CLEC16A: variants seen among roughly 807,000 people sequenced by gnomAD.
The protein encoded by CLEC16A is protein CLEC16A.
Under a neutral mutation model 109.5 loss-of-function variants are expected in CLEC16A, and 51 were observed. The observed-to-expected ratio is 0.47, with a 90% CI of 0.37 to 0.59. The LOEUF (loss-of-function observed/expected upper bound fraction) is 0.59, where lower values mean the gene tolerates loss of function less well. CLEC16A is among the 20% of genes least tolerant of loss of function. The probability of loss-of-function intolerance (pLI) is 0.00; values close to 1 mark genes in which losing one functional copy is unlikely to be tolerated. For synonymous variants in CLEC16A, 673 were observed against 564.2 expected (o/e 1.19, Z -2.73); for missense variants, 1,339 against 1,394.0 (o/e 0.96, Z 0.63).
chr16:10,961,968 C>CTTTTTTTTTTT lies in CLEC16A; in HGVS notation c.210-483_210-473dup, dbSNP rs5815604. Reference sequence around the variant, plus strand: ...TTGGGAACTTTTTTTTCTTTTTTTTCTTTTTTTTTTTTTTGGCTCTGTCAC... The same window carrying CTTTTTTTTTTT: ...TTGGGAACTTTTTTTTCTTTTTTTTCTTTTTTTTTTTTTTTTTTTTTTTTTGGCTCTGTCAC... On this transcript the variant is annotated intron_variant, in intron 2 of 23. Transcript: ENST00000409790. The surrounding 1 kb of genome is among the most constrained non-coding windows in gnomAD (Gnocchi z 4.3). 4.4e-5 allele frequency among the ~76,000 whole-genome samples: 6 copies of CTTTTTTTTTTT among 135,344 alleles called. No homozygotes were observed. The highest frequency in any genetic ancestry group is 6.3e-5 in the Non-Finnish European group (4 of 63,806). The allele number at this position is 135,344 out of a possible 152,430, so 88.8% of individuals were successfully genotyped here.
At chr16:10,946,765 G>A (rs2145596934) in intron 1 of CLEC16A, among the ~76,000 whole-genome samples, 1 of 152,318 alleles carries the variant, frequency 6.6e-6, no homozygotes, top group Admixed American at 6.5e-5. Context: ...CTGCCTGTGT[G>A]TTAATTCCCT....
chr16:11,154,316 C>T (rs957391731), intron 22 of CLEC16A, among the ~76,000 whole-genome samples: 1 of 152,188 alleles, frequency 6.6e-6, no homozygotes, highest in Non-Finnish European at 1.5e-5. Flanking sequence ...TCAAGCTCAT[C>T]CATTCAACTC....
chr16:10,944,838 A>G (rs1248427423), intron 1 of CLEC16A, 41 bp downstream of exon 1: 1 of 1,523,962 alleles, frequency 6.6e-7, no homozygotes, highest in African/African-American at 1.4e-5. Flanking sequence ...GGGGCTGGAC[A>G]GGGGGACGGG....
intron 9 of CLEC16A, among the ~76,000 whole-genome samples, chr16:10,982,135 A>G (rs2043356818): frequency 6.6e-6 from 1 of 152,230 alleles, no homozygotes; most frequent in East Asian, 1.9e-4. Flanking sequence ...ATTTTAAAAC[A>G]AAATAGCAGG....
chr16:11,090,022 T>G (rs943343939), intron 19 of CLEC16A, among the ~76,000 whole-genome samples: 8 of 152,208 alleles, frequency 5.3e-5, no homozygotes, highest in Non-Finnish European at 8.8e-5. Context: ...AATATCTGTT[T>G]AGACATTCCT....
At chr16:11,007,868 CGCT>C (rs1472455726) in intron 11 of CLEC16A, among the ~76,000 whole-genome samples, 1 of 151,992 alleles carries the variant, frequency 6.6e-6, no homozygotes, top group East Asian at 1.9e-4. Flanking sequence ...CAGGCCCAGG[CGCT>C]GCAGTAGAGA....
intron 11 of CLEC16A, among the ~76,000 whole-genome samples, chr16:11,007,579 G>GA (rs2045104971): frequency 6.6e-6 from 1 of 152,220 alleles, no homozygotes; most frequent in South Asian, 2.1e-4. Context: ...TCATAAGTGA[G>GA]AACATCAACA....
At chr16:11,144,963 G>C (rs984068878) in intron 22 of CLEC16A, among the ~76,000 whole-genome samples, 2 of 152,174 alleles carry the variant, frequency 1.3e-5, no homozygotes, top group African/African-American at 4.8e-5. Flanking sequence ...TTTTGTACCA[G>C]ACCTAGAGCA....
At position 11,003,081 on chromosome 16, in the gene CLEC16A, C is replaced by G; in HGVS notation, c.1079C>G (p.Pro360Arg). Residue 360 changes from proline to arginine, a missense_variant, in exon 11 of 24, where the codon CCC becomes CGC. Physicochemically the swap from Pro to Arg is moderately radical, Grantham distance 103. Around this residue, in one of 3 missense-constraint regions of CLEC16A, gnomAD observed 1,061 missense variants for 1,006.8 expected, o/e 1.05. Transcript: ENST00000409790. ...TTCGTTGGACTTTCCTAGGCCAAGC[C>G]CAGCATTCGGTGCTTCATTAAACCC... is the stretch of plus-strand genomic sequence containing the variant. ...EQDIQRSSAK[P>R]SIRCFIKPTE... 1 of 1,610,462 alleles carries G rather than the reference C, an allele frequency of 6.2e-7. No individual in the cohort carries two copies. The highest frequency in any genetic ancestry group is 8.5e-7 in the Non-Finnish European group (1 of 1,178,880).
At position 11,007,484 on chromosome 16, in the gene CLEC16A, A is replaced by G. The variant is rs185487459; in HGVS notation, c.1303+4179A>G. Reference sequence around the variant, plus strand: ...CTGAATCCCAGCTCTGCCCCTGAACAGCTGTGTGGCTCTGGGCAAGTAATT... The same window carrying G: ...CTGAATCCCAGCTCTGCCCCTGAACGGCTGTGTGGCTCTGGGCAAGTAATT... On this transcript the variant is annotated intron_variant, in intron 11 of 23. Coordinates refer to ENST00000409790, the MANE Select transcript of CLEC16A (RefSeq NM_015226.3). Among the ~76,000 whole-genome samples the G allele has an allele frequency of 3.8e-3, 575 of 152,310 alleles. 2 individuals carry two copies. Among genetic ancestry groups the G allele is most frequent in the Non-Finnish European group, 6.1e-3 (413 of 68,028 alleles).
intron 22 of CLEC16A, chr16:11,126,438 T>A: frequency 7.4e-7 from 1 of 1,353,546 alleles, no homozygotes; most frequent in Non-Finnish European, 9.7e-7. Context: ...TGGAAACATT[T>A]AAATGATTAG....
At chr16:11,145,501 C>T (rs1597555071) in intron 22 of CLEC16A, among the ~76,000 whole-genome samples, 1 of 152,272 alleles carries the variant, frequency 6.6e-6, no homozygotes. Context: ...CTCACCACCA[C>T]ACCTGTCTCC....
intron 1 of CLEC16A, among the ~76,000 whole-genome samples, chr16:10,947,667 G>T (rs1259582196): frequency 3.9e-5 from 6 of 152,116 alleles, no homozygotes; most frequent in Non-Finnish European, 7.4e-5. Flanking sequence ...GTCCTGGTTT[G>T]CCTGGGCTGA....
At position 11,175,407 on chromosome 16, in the gene CLEC16A, C is replaced by G. The variant is rs183102835; in HGVS notation, c.2807-2928C>G. Among the ~76,000 whole-genome samples, 5 of 152,348 alleles carry G rather than the reference C, an allele frequency of 3.3e-5. No individual in the cohort carries two copies. In the East Asian group the frequency reaches 9.6e-4, roughly 29 times the overall value. On this transcript the variant is annotated intron_variant, in intron 23 of 23. Coordinates refer to ENST00000409790, the MANE Select transcript of CLEC16A (RefSeq NM_015226.3). Reference sequence around the variant, plus strand: ...CCTCATTTCCTGAGCCTGGCCTCAACTTGTGGCCCTAGAGTTCAAAAACAC... The same window carrying G: ...CCTCATTTCCTGAGCCTGGCCTCAAGTTGTGGCCCTAGAGTTCAAAAACAC...
chr16:11,143,075 G>A (rs2053911017), intron 22 of CLEC16A, among the ~76,000 whole-genome samples: 1 of 152,206 alleles, frequency 6.6e-6, no homozygotes, highest in Non-Finnish European at 1.5e-5. Context: ...GCCTCCCAAA[G>A]TGCAGGGATT....
chr16:10,971,079 T>A (rs2042764622), intron 4 of CLEC16A, 46 bp from the exon 5 acceptor site: 1 of 1,270,122 alleles, frequency 7.9e-7, no homozygotes, highest in Non-Finnish European at 1.1e-6. Flanking sequence ...GGGCCAGGCC[T>A]GGCTTATGGG....
chr16:10,993,360 T>C (rs1022563897), intron 10 of CLEC16A, among the ~76,000 whole-genome samples: 4 of 152,086 alleles, frequency 2.6e-5, no homozygotes, highest in South Asian at 2.1e-4. Flanking sequence ...GCCTGGGCAA[T>C]AGAGTGAGAC....
chr16:11,064,621 C>A (rs1352424106), intron 19 of CLEC16A, among the ~76,000 whole-genome samples: 1 of 151,894 alleles, frequency 6.6e-6, no homozygotes, highest in African/African-American at 2.4e-5. Context: ...TACTAAAATC[C>A]AAAAAAATAG....
At chr16:11,063,957 T>G (rs1342842734) in intron 19 of CLEC16A, among the ~76,000 whole-genome samples, 2 of 142,506 alleles carry the variant, frequency 1.4e-5, no homozygotes, top group African/African-American at 2.6e-5. Flanking sequence ...GGAAGGAAGT[T>G]GAAGGGAAGG....
Sources: gnomAD v4.1 joint callset for allele counts (sites outside exome capture counted in the v4.1 genomes callset) on GRCh38, gnomAD v4.1.1 for gene constraint, gnomAD v4.1.1 regional missense constraint, Gnocchi (gnomAD v3.1) non-coding constraint, MANE v1.5 for transcripts, NCBI Gene and HGNC (gene_info 2026-07-23, HGNC 2026-07-21) for gene names.